The following PDE7A variants were observed in gnomAD, a reference collection of about 807,000 sequenced individuals.
PDE7A encodes the protein phosphodiesterase 7A.
A neutral mutation model predicts 64.3 loss-of-function variants in PDE7A; 39 were observed. The ratio of observed to expected loss-of-function variants is 0.61; its 90% CI spans 0.47 to 0.79. The LOEUF (loss-of-function observed/expected upper bound fraction) is 0.79. PDE7A is among the 30% of genes least tolerant of loss of function. The probability of loss-of-function intolerance (pLI) is 0.00; values close to 1 mark genes in which losing one functional copy is unlikely to be tolerated. For synonymous variants in PDE7A, 203 were observed against 206.8 expected (o/e 0.98, Z 0.16); for missense variants, 470 against 582.8 (o/e 0.81, Z 1.99).
rs766490948 is a variant in PDE7A at position 65,747,729 on chromosome 8, A to T, written c.358T>A (p.Ser120Thr). Residue 120 changes from serine to threonine, a missense_variant, in exon 4 of 13, where the codon TCT (serine) becomes ACT (threonine). Ser to Thr is a moderately conservative substitution (Grantham distance 58). Coordinates refer to ENST00000401827, the MANE Select transcript of PDE7A (RefSeq NM_001242318.3). ...RLLSFQRYLR[S>T]SRFFRGTAVS... ...GCAGTACCACGAAAAAAGCGTGAAG[A>T]TCTAAGATATCGCTGGAAACTTAGT... The T allele has an allele frequency of 6.2e-7, 1 of 1,610,046 alleles. No individual in the cohort carries two copies. Among genetic ancestry groups the T allele is most frequent in the East Asian group, 2.2e-5 (1 of 44,788 alleles).
intron 3 of PDE7A, among the ~76,000 whole-genome samples, chr8:65,758,053 G>A (rs1808319244): frequency 1.3e-5 from 2 of 152,124 alleles, no homozygotes; most frequent in South Asian, 4.1e-4. Context: ...CATTTGGAAG[G>A]AGCATTAAGT....
At chr8:65,803,432 CG>C (rs1810041511) in intron 1 of PDE7A, among the ~76,000 whole-genome samples, 1 of 152,290 alleles carries the variant, frequency 6.6e-6, no homozygotes, top group South Asian at 2.1e-4. Flanking sequence ...TGGTACTCAA[CG>C]TAATAGTCAA....
rs138915653 is a variant in PDE7A, at chr8:65,716,509, T to C, written c.*2781A>G. 2.1e-4 allele frequency among the ~76,000 whole-genome samples: 32 copies of C among 152,040 alleles called. No homozygotes were observed. Among genetic ancestry groups the C allele is most frequent in the East Asian group, 7.7e-4 (4 of 5,166 alleles). On this transcript the variant is annotated 3_prime_UTR_variant, in exon 13 of 13. Coordinates refer to ENST00000401827, the MANE Select transcript of PDE7A (RefSeq NM_001242318.3). ...AAGAGGGTACCCTGGTCCACAAACA[T>C]GAATATCACAGAAGACATGGGTCTT...
chr8:65,801,025 C>A (rs1809973393), intron 1 of PDE7A, among the ~76,000 whole-genome samples: 1 of 152,102 alleles, frequency 6.6e-6, no homozygotes, highest in Non-Finnish European at 1.5e-5. Context: ...CAGATAGAGT[C>A]GTGCACCCCT....
chr8:65,757,880 G>T (rs1413887024), intron 3 of PDE7A, among the ~76,000 whole-genome samples: 1 of 152,170 alleles, frequency 6.6e-6, no homozygotes, highest in Non-Finnish European at 1.5e-5. Context: ...GCCTCCCAAA[G>T]TGCTGGGATT....
Position 65,764,521 on chromosome 8 carries a change from A to G in PDE7A, c.283+15199T>C, listed in dbSNP as rs527811525. 4.6e-5 allele frequency among the ~76,000 whole-genome samples: 7 copies of G among 152,342 alleles called. No individual in the cohort carries two copies. The East Asian group carries it at 1.3e-3, about 29-fold the overall frequency. ...GAAAGTTAGATAAGAGAAAAATACT[A>G]TAATGAAGAAAGCTGCATGGCTGAG... is the stretch of plus-strand genomic sequence containing the variant. On this transcript the variant is annotated intron_variant, in intron 3 of 12. Transcript: ENST00000401827.
chr8:65,759,907 T>G (rs1240872318), intron 3 of PDE7A, among the ~76,000 whole-genome samples: 1 of 152,206 alleles, frequency 6.6e-6, no homozygotes, highest in African/African-American at 2.4e-5. Context: ...ACGTATAATT[T>G]TTCTTTCATC....
Position 65,738,812 on chromosome 8 carries a change from C to G in PDE7A, c.595+690G>C, listed in dbSNP as rs1264492328. Among the ~76,000 whole-genome samples the G allele has an allele frequency of 3.9e-5, 6 of 152,232 alleles. No individual in the cohort carries two copies. The East Asian group carries it at 9.6e-4, about 24-fold the overall frequency. On this transcript the variant is annotated intron_variant, in intron 6 of 12. Coordinates refer to ENST00000401827, the MANE Select transcript of PDE7A (RefSeq NM_001242318.3). ...GAAACCTAACTGCAATATACCTGCT[C>G]TTTTAAAGTTTTAGCCTTCAAAAAT...
intron 3 of PDE7A, among the ~76,000 whole-genome samples, chr8:65,751,569 C>T (rs952347320): frequency 3.3e-5 from 5 of 151,978 alleles, no homozygotes; most frequent in African/African-American, 7.3e-5. Context: ...ATCGGCTCAC[C>T]GCAACCTCCG....
chr8:65,764,312 G>A (rs1808658742), intron 3 of PDE7A, among the ~76,000 whole-genome samples: 1 of 152,204 alleles, frequency 6.6e-6, no homozygotes, highest in Non-Finnish European at 1.5e-5. Context: ...AAATTTAATA[G>A]ACACTCCAGA....
intron 3 of PDE7A, among the ~76,000 whole-genome samples, chr8:65,768,991 T>C (rs1041524103): frequency 6.6e-6 from 1 of 152,144 alleles, no homozygotes. Context: ...CTCACACCTG[T>C]AATCCCAGCA....
intron 6 of PDE7A, among the ~76,000 whole-genome samples, chr8:65,736,944 G>A (rs1056394741): frequency 1.5e-4 from 23 of 148,988 alleles, no homozygotes; most frequent in African/African-American, 4.4e-4. Flanking sequence ...GTGCAGTAGC[G>A]TGATCTTGGC....
intron 1 of PDE7A, among the ~76,000 whole-genome samples, chr8:65,822,194 G>T (rs1810558066): frequency 6.6e-6 from 1 of 152,148 alleles, no homozygotes; most frequent in South Asian, 2.1e-4. Flanking sequence ...AGTCTTTAAG[G>T]GGCTGGAAAC....
chr8:65,776,178 A>AAC (rs1809254324), intron 3 of PDE7A, among the ~76,000 whole-genome samples: 1 of 152,192 alleles, frequency 6.6e-6, no homozygotes, highest in African/African-American at 2.4e-5. Flanking sequence ...TCCAAGATTC[A>AAC]CTTGATTTAG....
chr8:65,787,495 C>G (rs554473361), intron 1 of PDE7A, among the ~76,000 whole-genome samples: 1 of 152,276 alleles, frequency 6.6e-6, no homozygotes, highest in African/African-American at 2.4e-5. Context: ...GCTAGAAAAA[C>G]ATGCTTGTAC....
chr8:65,761,339 C>G (rs1328992203), intron 3 of PDE7A, among the ~76,000 whole-genome samples: 1 of 152,160 alleles, frequency 6.6e-6, no homozygotes, highest in Non-Finnish European at 1.5e-5. Flanking sequence ...GCTAGGATTA[C>G]AGGCATGAGC....
intron 1 of PDE7A, among the ~76,000 whole-genome samples, chr8:65,815,346 G>GT (rs1161382694): frequency 2.0e-5 from 3 of 152,042 alleles, no homozygotes; most frequent in East Asian, 1.9e-4. Flanking sequence ...TACCCTAGCA[G>GT]TTTTTTTCAA....
Position 65,779,806 on chromosome 8 carries a change from G to C in PDE7A, c.200-3C>G. 1 of 1,563,048 alleles carries C rather than the reference G, an allele frequency of 6.4e-7. No individual in the cohort carries two copies. The highest frequency in any genetic ancestry group is 8.8e-7 in the Non-Finnish European group (1 of 1,142,020). ...TCGGCTCCTTACACGTACATCTCCT[G>C]GACAGAATCAAGAATAAAACATAAG... On this transcript the variant is annotated splice_region_variant and splice_polypyrimidine_tract_variant and intron_variant, in intron 2 of 12. Transcript: ENST00000401827.
intron 6 of PDE7A, among the ~76,000 whole-genome samples, chr8:65,736,375 G>A (rs1467005708): frequency 6.6e-6 from 1 of 152,176 alleles, no homozygotes. Flanking sequence ...ATGGGTAACT[G>A]AAACCACAGA....
Sources: allele counts gnomAD v4.1 joint callset (sites outside exome capture counted in the v4.1 genomes callset), GRCh38; gene constraint gnomAD v4.1.1; transcripts MANE v1.5; gene names NCBI Gene and HGNC (gene_info 2026-07-23, HGNC 2026-07-21).